The following PABPC4L variants were observed in gnomAD, a reference collection of about 807,000 sequenced individuals.
The protein encoded by PABPC4L is poly(A) binding protein cytoplasmic 4 like.
For synonymous variants in PABPC4L, 169 were observed against 164.1 expected (o/e 1.03, Z -0.23); for missense variants, 452 against 451.4 (o/e 1.00, Z -0.01).
the PABPC4L span, among the ~76,000 whole-genome samples, chr4:134,026,321 C>T: frequency 8.6e-5 from 13 of 151,642 alleles, no homozygotes; most frequent in South Asian, 2.1e-4. Flanking sequence ...CTGCAACATC[C>T]GCCTCCTGGG....
chr4:134,071,723 G>C, the PABPC4L span, among the ~76,000 whole-genome samples: 2 of 152,154 alleles, frequency 1.3e-5, no homozygotes, highest in Non-Finnish European at 2.9e-5. Flanking sequence ...GATTGGGTTA[G>C]ACATTTTAAT....
the PABPC4L span, among the ~76,000 whole-genome samples, chr4:134,045,127 A>C: frequency 6.6e-6 from 1 of 152,210 alleles, no homozygotes; most frequent in Non-Finnish European, 1.5e-5. Context: ...TTTATACTTT[A>C]CTAACATTAT....
At chr4:134,098,381 A>C in the PABPC4L span, among the ~76,000 whole-genome samples, 1 of 151,662 alleles carries the variant, frequency 6.6e-6, no homozygotes. Context: ...TATACTATAT[A>C]CCTGGGAGTA....
chr4:134,164,640 T>C, the PABPC4L span, among the ~76,000 whole-genome samples: 1 of 152,092 alleles, frequency 6.6e-6, no homozygotes, highest in Admixed American at 6.6e-5. Flanking sequence ...CAAACGAATA[T>C]AAATACATCC....
At chr4:134,096,831 G>A in the PABPC4L span, among the ~76,000 whole-genome samples, 1 of 151,908 alleles carries the variant, frequency 6.6e-6, no homozygotes, top group Non-Finnish European at 1.5e-5. Context: ...AATCACATTT[G>A]GTGTCCAGTA....
the PABPC4L span, among the ~76,000 whole-genome samples, chr4:134,096,600 T>A: frequency 2.0e-5 from 3 of 151,922 alleles, no homozygotes; most frequent in Non-Finnish European, 4.4e-5. Context: ...AAAGACAATG[T>A]CTACTATCTT....
At chr4:134,126,374 C>T in the PABPC4L span, among the ~76,000 whole-genome samples, 1 of 152,132 alleles carries the variant, frequency 6.6e-6, no homozygotes, top group African/African-American at 2.4e-5. Context: ...AACATCCTCA[C>T]TTATCAGAGT....
chr4:134,183,104 G>A, the PABPC4L span, among the ~76,000 whole-genome samples: 2 of 151,716 alleles, frequency 1.3e-5, no homozygotes, highest in African/African-American at 4.8e-5. Flanking sequence ...CCCATTATTG[G>A]GTATATACCC....
At chr4:134,022,347 T>G in the PABPC4L span, among the ~76,000 whole-genome samples, 1 of 152,060 alleles carries the variant, frequency 6.6e-6, no homozygotes, top group Non-Finnish European at 1.5e-5. Flanking sequence ...ATCCCCAAAA[T>G]CTTCAGTGAT....
chr4:133,983,815 T>G, the PABPC4L span, among the ~76,000 whole-genome samples: 6 of 151,830 alleles, frequency 4.0e-5, no homozygotes, highest in Admixed American at 1.3e-4. Flanking sequence ...GATAATTTAT[T>G]TTATTAATAG....
chr4:133,966,211 T>C, the PABPC4L span, among the ~76,000 whole-genome samples: 3 of 152,014 alleles, frequency 2.0e-5, no homozygotes, highest in Non-Finnish European at 4.4e-5. Context: ...TATGAAAAAA[T>C]GATCAACACC....
chr4:134,132,998 T>C, the PABPC4L span, among the ~76,000 whole-genome samples: 1 of 127,470 alleles, frequency 7.8e-6, no homozygotes, highest in African/African-American at 3.2e-5. Context: ...ATATATATGA[T>C]ATATACTATA....
chr4:133,965,630 T>C, the PABPC4L span, among the ~76,000 whole-genome samples: 2 of 152,034 alleles, frequency 1.3e-5, no homozygotes, highest in Admixed American at 6.6e-5. Flanking sequence ...CATAGACCAA[T>C]GGAACAGAAT....
chr4:133,964,747 G>T, the PABPC4L span, among the ~76,000 whole-genome samples: 8 of 152,092 alleles, frequency 5.3e-5, 1 homozygote, highest in Admixed American at 5.2e-4. Flanking sequence ...TACAGAAAAA[G>T]CATTTAACAA....
At chr4:134,188,712 T>C in the PABPC4L span, among the ~76,000 whole-genome samples, 1 of 152,012 alleles carries the variant, frequency 6.6e-6, no homozygotes, top group Admixed American at 6.6e-5. Context: ...CTTTTTCTTC[T>C]GACTTTTTTC....
the PABPC4L span, among the ~76,000 whole-genome samples, chr4:134,089,498 T>C: frequency 6.6e-5 from 10 of 152,238 alleles, no homozygotes; most frequent in Non-Finnish European, 1.3e-4. Context: ...CATTATAATA[T>C]CATATAGAGT....
At chr4:133,974,134 G>A in the PABPC4L span, among the ~76,000 whole-genome samples, 1 of 152,154 alleles carries the variant, frequency 6.6e-6, no homozygotes, top group Non-Finnish European at 1.5e-5. Flanking sequence ...GTAATCAAGA[G>A]AGTATGCTAC....
At chr4:134,040,136 A>G in the PABPC4L span, among the ~76,000 whole-genome samples, 1 of 151,540 alleles carries the variant, frequency 6.6e-6, no homozygotes, top group African/African-American at 2.4e-5. Flanking sequence ...AAATGGCCAT[A>G]CTGTTCAAAG....
the PABPC4L span, among the ~76,000 whole-genome samples, chr4:134,001,015 A>T: frequency 6.6e-6 from 1 of 151,982 alleles, no homozygotes; most frequent in African/African-American, 2.4e-5. Flanking sequence ...AATTTGTTCT[A>T]TTACTTTGGT....
Sources: gnomAD v4.1 joint callset for allele counts (sites outside exome capture counted in the v4.1 genomes callset) on GRCh38, gnomAD v4.1.1 for gene constraint, MANE v1.5 for transcripts, NCBI Gene and HGNC (gene_info 2026-07-23, HGNC 2026-07-21) for gene names.